The following VTI1A variants were observed in gnomAD, a reference collection of about 807,000 sequenced individuals.
The protein encoded by VTI1A is vesicle transport through interaction with t-SNAREs homolog 1A.
In VTI1A, 22 loss-of-function variants were observed where a neutral mutation model predicts 34.9. The ratio of observed to expected loss-of-function variants is 0.63; its 90% CI spans 0.45 to 0.90. The LOEUF (loss-of-function observed/expected upper bound fraction) is 0.90, where lower values mean the gene tolerates loss of function less well. VTI1A is among the 40% of genes least tolerant of loss of function. The pLI, the probability that VTI1A is intolerant of heterozygous loss-of-function variation, is 0.00. For synonymous variants in VTI1A, 87 were observed against 97.3 expected (o/e 0.89, Z 0.62); for missense variants, 268 against 275.6 (o/e 0.97, Z 0.20).
chr10:112,632,414 C>T (rs1472155493), intron 5 of VTI1A, among the ~76,000 whole-genome samples: 1 of 152,130 alleles, frequency 6.6e-6, no homozygotes, highest in East Asian at 1.9e-4. Context: ...GAAGGATAGA[C>T]AGGATTATGC....
chr10:112,732,354 T>C (rs1170596703), intron 7 of VTI1A, among the ~76,000 whole-genome samples: 2 of 152,112 alleles, frequency 1.3e-5, no homozygotes, highest in African/African-American at 2.4e-5. Flanking sequence ...TCCACTTCCT[T>C]TGGGTTCATG....
At chr10:112,545,690 G>C (rs1200496823) in intron 5 of VTI1A, among the ~76,000 whole-genome samples, 1 of 152,200 alleles carries the variant, frequency 6.6e-6, no homozygotes, top group Non-Finnish European at 1.5e-5. Flanking sequence ...TACTGGATCA[G>C]AATTTGCATT....
chr10:112,589,690 T>C (rs1046602447), intron 5 of VTI1A, among the ~76,000 whole-genome samples: 2 of 152,176 alleles, frequency 1.3e-5, no homozygotes, highest in Non-Finnish European at 2.9e-5. Flanking sequence ...TGCAACCCTC[T>C]GGGGTAGGTA....
At chr10:112,479,067 T>C (rs2134091765) in intron 3 of VTI1A, among the ~76,000 whole-genome samples, 1 of 152,280 alleles carries the variant, frequency 6.6e-6, no homozygotes, top group East Asian at 1.9e-4. Context: ...CTAGGGAGGC[T>C]GAGGCAGGAG....
At chr10:112,537,671 CTT>C (rs1307670219) in intron 4 of VTI1A, among the ~76,000 whole-genome samples, 1 of 152,060 alleles carries the variant, frequency 6.6e-6, no homozygotes, top group African/African-American at 2.4e-5. Flanking sequence ...ACATGTGTCT[CTT>C]GTTTCTTAGT....
chr10:112,619,129 A>G (rs967005983), intron 5 of VTI1A, among the ~76,000 whole-genome samples: 1 of 151,444 alleles, frequency 6.6e-6, no homozygotes, highest in Non-Finnish European at 1.5e-5. Flanking sequence ...TCATATTGGT[A>G]ATGTCATGTT....
chr10:112,581,311 A>G (rs1375085570), intron 5 of VTI1A, among the ~76,000 whole-genome samples: 4 of 152,150 alleles, frequency 2.6e-5, no homozygotes, highest in Admixed American at 2.0e-4. Context: ...TAACTTGTCC[A>G]CTGTTACTTG....
At chr10:112,557,407 G>C (rs917696587) in intron 5 of VTI1A, among the ~76,000 whole-genome samples, 2 of 152,168 alleles carry the variant, frequency 1.3e-5, no homozygotes, top group Non-Finnish European at 2.9e-5. Flanking sequence ...CAGCAGTAAA[G>C]ATAGTATTGA....
chr10:112,660,780 A>C (rs148059209), intron 5 of VTI1A, among the ~76,000 whole-genome samples: 1,725 of 152,214 alleles, frequency 0.011, 17 homozygotes, highest in South Asian at 0.017. Flanking sequence ...TTTTATCCCT[A>C]ATTTGTTACA....
At chr10:112,729,850 T>C (rs1191392187) in intron 7 of VTI1A, among the ~76,000 whole-genome samples, 1 of 152,236 alleles carries the variant, frequency 6.6e-6, no homozygotes, top group Non-Finnish European at 1.5e-5. Context: ...TCTTCAGCGC[T>C]CTAGTGGTAC....
intron 5 of VTI1A, among the ~76,000 whole-genome samples, chr10:112,591,622 C>G (rs1454930160): frequency 1.3e-5 from 2 of 152,052 alleles, no homozygotes; most frequent in Non-Finnish European, 2.9e-5. Flanking sequence ...AGGTCTTTAC[C>G]CTTTCCTTAT....
intron 7 of VTI1A, among the ~76,000 whole-genome samples, chr10:112,694,266 C>T (rs551710231): frequency 6.6e-6 from 1 of 151,902 alleles, no homozygotes; most frequent in South Asian, 2.1e-4. Flanking sequence ...CCCTCTCCAC[C>T]CCAGAAGCCT....
rs545733290 is a variant in VTI1A, at chr10:112,514,944, G to A, written c.265-12143G>A. ...TGACATAAGTCCCTGTTGCTGTAAC[G>A]TGTAATGCTACAGGTTTACCAAGTG... On this transcript the variant is annotated intron_variant, in intron 3 of 7. Transcript: ENST00000393077. Among the ~76,000 whole-genome samples the A allele has an allele frequency of 7.6e-4, 115 of 152,072 alleles. 1 individual carries two copies. The highest frequency in any genetic ancestry group is 2.6e-3 in the African/African-American group (109 of 41,534).
intron 7 of VTI1A, among the ~76,000 whole-genome samples, chr10:112,783,031 G>A (rs1235235599): frequency 2.0e-5 from 3 of 151,162 alleles, no homozygotes; most frequent in Admixed American, 1.3e-4. Flanking sequence ...AAGTAGACAC[G>A]AATCTGGATA....
intron 3 of VTI1A, among the ~76,000 whole-genome samples, chr10:112,509,997 A>G (rs1309207449): frequency 2.6e-5 from 4 of 152,182 alleles, no homozygotes; most frequent in Non-Finnish European, 4.4e-5. Flanking sequence ...ATTATTGCAT[A>G]TTTATAGAAC....
At chr10:112,577,253 C>T (rs1007536392) in intron 5 of VTI1A, among the ~76,000 whole-genome samples, 11 of 152,140 alleles carry the variant, frequency 7.2e-5, no homozygotes, top group Non-Finnish European at 1.5e-4. Flanking sequence ...GGGGTTAGGG[C>T]TTCAACGTGT....
chr10:112,718,850 G>T (rs1282629110), intron 7 of VTI1A, among the ~76,000 whole-genome samples: 1 of 152,164 alleles, frequency 6.6e-6, no homozygotes, highest in Non-Finnish European at 1.5e-5. Flanking sequence ...ATGCTTTTGT[G>T]ACTTTTATGC....
chr10:112,743,804 TTCAA>T (rs1850784474), intron 7 of VTI1A, among the ~76,000 whole-genome samples: 1 of 152,218 alleles, frequency 6.6e-6, no homozygotes, highest in Non-Finnish European at 1.5e-5. Flanking sequence ...TATATACATT[TTCAA>T]TCAAATATTT....
intron 4 of VTI1A, among the ~76,000 whole-genome samples, chr10:112,528,758 C>T (rs2134227479): frequency 6.6e-6 from 1 of 152,172 alleles, no homozygotes; most frequent in East Asian, 1.9e-4. Context: ...TAGATCTTTC[C>T]CTCATTTGAA....
Sources: allele counts gnomAD v4.1 joint callset (sites outside exome capture counted in the v4.1 genomes callset), GRCh38; gene constraint gnomAD v4.1.1; transcripts MANE v1.5; gene names NCBI Gene and HGNC (gene_info 2026-07-23, HGNC 2026-07-21).